Variants in NAV3 observed in about 807,000 individuals in gnomAD.
The protein encoded by NAV3 is neuron navigator 3.
A neutral mutation model predicts 244.7 loss-of-function variants in NAV3; 87 were observed. The observed-to-expected ratio is 0.36, with a 90% CI of 0.30 to 0.42. The LOEUF is 0.42. Ranked by LOEUF, NAV3 falls within the 20% of genes least tolerant of loss-of-function variation. The pLI is 1.00. For missense variants in NAV3, 2,663 were observed against 2,893.3 expected, an observed-to-expected ratio of 0.92 and a Z score of 1.83; for synonymous variants, 1,126 against 1,042.2, an observed-to-expected ratio of 1.08 and a Z score of -1.55.
At chr12:77,931,682 C>A (rs1322062524) in intron 1 of NAV3, among the ~76,000 whole-genome samples, 1 of 151,924 alleles carries the variant, frequency 6.6e-6, no homozygotes, top group African/African-American at 2.4e-5. Flanking sequence ...CTGGCTAACA[C>A]GATGAAACCC....
intron 22 of NAV3, among the ~76,000 whole-genome samples, chr12:78,155,789 G>A (rs538950366): frequency 1.2e-4 from 18 of 151,942 alleles, no homozygotes; most frequent in African/African-American, 3.9e-4. Flanking sequence ...CTGTCTTCTT[G>A]TAAGTGTCTA....
intron 2 of NAV3, among the ~76,000 whole-genome samples, chr12:77,577,553 G>A (rs1167849197): frequency 1.3e-5 from 2 of 152,010 alleles, no homozygotes; most frequent in Non-Finnish European, 2.9e-5. Flanking sequence ...TCTCCTGATT[G>A]GTGGATTTAA....
At chr12:77,831,779 T>C (rs2136082658) in intron 1 of NAV3, 75 bp downstream of exon 1, 4 of 1,474,578 alleles carry the variant, frequency 2.7e-6, no homozygotes, top group Non-Finnish European at 3.6e-6. Flanking sequence ...ATAAAACATG[T>C]TATGAAATGG....
chr12:77,811,380 A>G (rs1592704290), intron 2 of NAV3, among the ~76,000 whole-genome samples: 1 of 152,224 alleles, frequency 6.6e-6, no homozygotes, highest in East Asian at 1.9e-4. Context: ...AAGAGAGTAT[A>G]TTATAAAGCA....
intron 17 of NAV3, 112 bp downstream of exon 17, chr12:78,127,320 A>G: frequency 2.8e-6 from 3 of 1,067,448 alleles, no homozygotes; most frequent in Non-Finnish European, 4.2e-6. Context: ...ATTGAGGACG[A>G]AATCACTTTT....
intron 1 of NAV3, among the ~76,000 whole-genome samples, chr12:77,872,672 A>C (rs1270545123): frequency 2.6e-5 from 4 of 152,208 alleles, no homozygotes; most frequent in Non-Finnish European, 5.9e-5. Flanking sequence ...GGCTTTTGGC[A>C]TCACATTATT....
chr12:77,897,072 A>G (rs1258249673), intron 1 of NAV3, among the ~76,000 whole-genome samples: 1 of 152,188 alleles, frequency 6.6e-6, no homozygotes, highest in Non-Finnish European at 1.5e-5. Flanking sequence ...GTGAAACACA[A>G]TCTGCATTTG....
In NAV3 at chr12:78,190,115, A is replaced by G; in HGVS notation, c.6187A>G (p.Thr2063Ala). ...CTCAGGACCGAGTGGTACTGGAAAG[A>G]CCTATTTGGCAAACAAACTTGCTGA... ...ILSGPSGTGKTYLANKLAEYV... is the reference protein window; with the variant it reads ...ILSGPSGTGKAYLANKLAEYV... The change falls in exon 34 of 40, where the codon ACC becomes GCC. Residue 2063 changes from threonine to alanine, a missense_variant. Thr to Ala is a moderately conservative substitution (Grantham distance 58, BLOSUM62 0). This residue lies in a region of NAV3 where 543 missense variants were observed against 672.4 expected (regional missense o/e 0.81). Coordinates refer to ENST00000397909, the MANE Select transcript of NAV3 (RefSeq NM_001024383.2). 1 of 1,613,188 alleles carries G rather than the reference A, an allele frequency of 6.2e-7. No individual in the cohort carries two copies. Among genetic ancestry groups the G allele is most frequent in the East Asian group, 2.2e-5 (1 of 44,722 alleles).
At chr12:77,973,968 A>G (rs1893233688) in intron 5 of NAV3, among the ~76,000 whole-genome samples, 1 of 119,264 alleles carries the variant, frequency 8.4e-6, no homozygotes, top group African/African-American at 2.7e-5. Context: ...CTAGAGAGAA[A>G]TAATTGAAGA....
At chr12:77,922,094 G>T (rs2137184281) in intron 1 of NAV3, among the ~76,000 whole-genome samples, 1 of 152,172 alleles carries the variant, frequency 6.6e-6, no homozygotes, top group South Asian at 2.1e-4. Flanking sequence ...TGCAAGACCT[G>T]GTCATATGCG....
chr12:77,894,513 G>A (rs934819614), intron 1 of NAV3, among the ~76,000 whole-genome samples: 4 of 152,058 alleles, frequency 2.6e-5, no homozygotes, highest in African/African-American at 7.2e-5. Flanking sequence ...CAACATGAGA[G>A]AGAAACTTGA....
At position 77,711,483 on chromosome 12, in the gene NAV3, G is replaced by A. The variant is rs137856244; in HGVS notation, c.72+139217G>A. Among the ~76,000 whole-genome samples, 1,274 of 152,310 alleles carry A rather than the reference G, an allele frequency of 8.4e-3. 22 individuals carry two copies. The highest frequency in any genetic ancestry group is 0.028 in the African/African-American group (1,178 of 41,562). ...TTTAATCTCTTTATTGCTGAAAATG[G>A]GAAAAGGGTCAAGAACTTTGCACTG... On this transcript the variant is annotated intron_variant, in intron 2 of 8. Coordinates refer to the NAV3 transcript ENST00000550042.
At chr12:77,658,443 T>C (rs1422535027) in intron 2 of NAV3, among the ~76,000 whole-genome samples, 1 of 146,002 alleles carries the variant, frequency 6.8e-6, no homozygotes, top group African/African-American at 2.5e-5. Context: ...AAACCACTGC[T>C]CAATGAAATA....
At chr12:77,815,579 T>C (rs1872497914) in intron 2 of NAV3, among the ~76,000 whole-genome samples, 1 of 152,212 alleles carries the variant, frequency 6.6e-6, no homozygotes, top group African/African-American at 2.4e-5. Flanking sequence ...TTCCAAATTA[T>C]CATGTGTATC....
At chr12:78,176,494 T>C in intron 26 of NAV3, 35 bp downstream of exon 26, 1 of 1,610,722 alleles carries the variant, frequency 6.2e-7, no homozygotes, top group East Asian at 2.2e-5. Context: ...GGCATGCATC[T>C]ATAAAAAAAC....
chr12:77,573,133 T>G (rs1440292174), intron 2 of NAV3, among the ~76,000 whole-genome samples: 7 of 152,040 alleles, frequency 4.6e-5, no homozygotes, highest in Non-Finnish European at 1.0e-4. Flanking sequence ...AGGAAGGAAA[T>G]TTTTAGTTAG....
Position 77,753,334 on chromosome 12 carries a change from CTG to C in NAV3, c.72+181072_72+181073del, listed in dbSNP as rs547777977. Among the ~76,000 whole-genome samples, 592 of 152,226 alleles carry C rather than the reference CTG, an allele frequency of 3.9e-3. 3 individuals carry two copies. Among genetic ancestry groups the C allele is most frequent in the Non-Finnish European group, 6.5e-3 (441 of 68,008 alleles). ...ATTTTTTTTCAATTGAAATTTATGA[CTG>C]TGTTTTTCACAGTAAATGTTCCCTT... On this transcript the variant is annotated intron_variant, in intron 2 of 8. Coordinates refer to the NAV3 transcript ENST00000550042.
At chr12:77,918,781 A>T (rs1267105002) in intron 1 of NAV3, among the ~76,000 whole-genome samples, 2 of 152,056 alleles carry the variant, frequency 1.3e-5, no homozygotes, top group African/African-American at 4.8e-5. Context: ...GAGTTCCAAG[A>T]GCAGCAAATA....
At chr12:77,792,804 T>G (rs1174019533) in intron 2 of NAV3, among the ~76,000 whole-genome samples, 1 of 152,156 alleles carries the variant, frequency 6.6e-6, no homozygotes, top group Non-Finnish European at 1.5e-5. Context: ...CTTTGTACAC[T>G]TAATCTCATC....
Sources: allele counts gnomAD v4.1 joint callset (sites outside exome capture counted in the v4.1 genomes callset), GRCh38; gene constraint gnomAD v4.1.1; regional missense constraint gnomAD v4.1.1; transcripts MANE v1.5; gene names NCBI Gene and HGNC (gene_info 2026-07-23, HGNC 2026-07-21).